KATNIP: variants seen among roughly 807,000 people sequenced by gnomAD.
KATNIP encodes katanin-interacting protein.
Under a neutral mutation model 174.0 loss-of-function variants are expected in KATNIP, and 126 were observed. That is an observed-to-expected ratio of 0.72 (90% CI 0.63 to 0.84). The LOEUF (loss-of-function observed/expected upper bound fraction) is 0.84, where lower values mean the gene tolerates loss of function less well. Ranked by LOEUF, KATNIP falls within the 40% of genes least tolerant of loss-of-function variation. The pLI is 0.00. For synonymous variants in KATNIP, 810 were observed against 835.7 expected (o/e 0.97, Z 0.53); for missense variants, 1,958 against 2,109.7 (o/e 0.93, Z 1.41).
At chr16:27,769,645 A>C (rs1198902146) in intron 20 of KATNIP, among the ~76,000 whole-genome samples, 3 of 152,246 alleles carry the variant, frequency 2.0e-5, no homozygotes, top group Non-Finnish European at 2.9e-5. Flanking sequence ...GCCGTGGACC[A>C]GTGTCCGCTG....
Position 27,698,342 on chromosome 16 carries a change from C to A in KATNIP, c.955C>A (p.Arg319=), listed in dbSNP as rs1236253745. The A allele has an allele frequency of 3.7e-6, 6 of 1,609,154 alleles. No homozygotes were observed. Among genetic ancestry groups the A allele is most frequent in the Non-Finnish European group, 4.2e-6 (5 of 1,177,178 alleles). The part of the protein sequence containing the change: ...ERMCSRPGSR[R]ERPLSATRKT... ...TCTGCCCTCAGGACCTGGAAGCCGG[C>A]GAGAGAGACCCCTGTCTGCAACCCG... is the stretch of plus-strand genomic sequence containing the variant. Residue 319 remains arginine (R), a synonymous_variant, in exon 9 of 28, where the codon CGA becomes AGA. Transcript: ENST00000261588.
chr16:27,740,902 G>A lies in KATNIP; in HGVS notation c.2605G>A (p.Asp869Asn), dbSNP rs570955229. 1.8e-5 allele frequency: 29 copies of A among 1,597,574 alleles called. No individual in the cohort carries two copies. Among genetic ancestry groups the A allele is most frequent in the African/African-American group, 2.7e-5 (2 of 74,806 alleles). The change falls in exon 15 of 28, where the codon GAC becomes AAC. Residue 869 changes from aspartate (D) to asparagine (N), a missense_variant. Transcript: ENST00000261588. ...KDAGSSSHGD[D>N]QPASREDTWS... ...TGCTGGCAGCAGTAGTCATGGGGAC[G>A]ACCAGCCAGCCAGCAGAGGTAAGCT...
intron 6 of KATNIP, among the ~76,000 whole-genome samples, chr16:27,666,118 G>T (rs561182936): frequency 6.6e-6 from 1 of 152,288 alleles, no homozygotes; most frequent in Admixed American, 6.5e-5. Flanking sequence ...AACCAGGAAA[G>T]CATTGGGCAG....
At chr16:27,710,363 T>TAAAC (rs1200648416) in intron 13 of KATNIP, among the ~76,000 whole-genome samples, 1 of 151,764 alleles carries the variant, frequency 6.6e-6, no homozygotes, top group South Asian at 2.1e-4. Context: ...TCTCAACAAA[T>TAAAC]AAACAAACAA....
At chr16:27,743,858 C>A (rs966918389) in intron 15 of KATNIP, among the ~76,000 whole-genome samples, 1 of 152,186 alleles carries the variant, frequency 6.6e-6, no homozygotes, top group Admixed American at 6.5e-5. Context: ...CATCACCCAC[C>A]TGCCCCGGGA....
At chr16:27,655,008 A>G (rs1309419592) in intron 6 of KATNIP, among the ~76,000 whole-genome samples, 1 of 151,544 alleles carries the variant, frequency 6.6e-6, no homozygotes, top group Non-Finnish European at 1.5e-5. Flanking sequence ...ATGTGCCTGC[A>G]GTCCCAGGTA....
At chr16:27,609,280 G>A (rs2075813273) in intron 2 of KATNIP, among the ~76,000 whole-genome samples, 1 of 151,916 alleles carries the variant, frequency 6.6e-6, no homozygotes, top group East Asian at 1.9e-4. Context: ...GTGCAGGGAG[G>A]GACACAGGAG....
At chr16:27,639,841 G>A (rs1319991920) in intron 5 of KATNIP, among the ~76,000 whole-genome samples, 1 of 152,194 alleles carries the variant, frequency 6.6e-6, no homozygotes, top group Non-Finnish European at 1.5e-5. Context: ...GTCAGAGTGG[G>A]GAGCACTGCT....
At chr16:27,630,544 GC>G (rs1287034910) in intron 4 of KATNIP, among the ~76,000 whole-genome samples, 1 of 152,208 alleles carries the variant, frequency 6.6e-6, no homozygotes, top group Non-Finnish European at 1.5e-5. Flanking sequence ...GAAACCAGTG[GC>G]TCTCCTAGTT....
intron 13 of KATNIP, among the ~76,000 whole-genome samples, chr16:27,716,811 C>A (rs893741515): frequency 2.0e-5 from 3 of 151,964 alleles, no homozygotes; most frequent in African/African-American, 7.3e-5. Context: ...TTTGTCGTTT[C>A]AAGAATGCTA....
chr16:27,760,071 G>T (rs1052110238), intron 18 of KATNIP, among the ~76,000 whole-genome samples: 3 of 152,148 alleles, frequency 2.0e-5, no homozygotes, highest in Non-Finnish European at 2.9e-5. Context: ...GCTCCAGGGA[G>T]GTCAGGTGAC....
chr16:27,578,719 G>C (rs985477379), intron 2 of KATNIP, among the ~76,000 whole-genome samples: 3 of 152,038 alleles, frequency 2.0e-5, no homozygotes, highest in Admixed American at 2.0e-4. Flanking sequence ...GTGAGATTAC[G>C]GGTGTGTCCC....
chr16:27,735,337 A>G (rs548731181), intron 14 of KATNIP, among the ~76,000 whole-genome samples: 3 of 152,316 alleles, frequency 2.0e-5, no homozygotes, highest in African/African-American at 7.2e-5. Flanking sequence ...ATGTTGTGGA[A>G]GCCGGCCACC....
intron 14 of KATNIP, among the ~76,000 whole-genome samples, chr16:27,739,608 T>A (rs1289402242): frequency 6.6e-6 from 1 of 152,188 alleles, no homozygotes; most frequent in African/African-American, 2.4e-5. Flanking sequence ...TCTCAGGAAC[T>A]GGACTTTAAA....
At chr16:27,767,451 G>A (rs1359083961) in intron 20 of KATNIP, among the ~76,000 whole-genome samples, 1 of 152,022 alleles carries the variant, frequency 6.6e-6, no homozygotes, top group Non-Finnish European at 1.5e-5. Context: ...CAGGTGTAGA[G>A]GCTCACGCCT....
In KATNIP at chr16:27,776,593, C is replaced by T. The variant is rs1407614958; in HGVS notation, c.4450-335C>T. On this transcript the variant is annotated intron_variant, in intron 24 of 27. Transcript: ENST00000261588. The surrounding 1 kb of genome is among the most constrained non-coding windows in gnomAD (Gnocchi z 4.7). ...GGGACTGTCCCTTTAGCTCATGGGG[C>T]TCTAGACTATTTCTGGGCCTGACCT... is the stretch of plus-strand genomic sequence containing the variant. 6.6e-6 allele frequency among the ~76,000 whole-genome samples: 1 copy of T among 152,164 alleles called. No homozygotes were observed. The highest frequency in any genetic ancestry group is 1.5e-5 in the Non-Finnish European group (1 of 68,028).
chr16:27,574,044 T>C lies in KATNIP; in HGVS notation c.63+88T>C, dbSNP rs2090401127. Reference sequence around the variant, plus strand: ...AGGGTGGCGAATAAGTGTCCCTAAATATACTCTTTTCTCTTGGGGTCCCAA... The same window carrying C: ...AGGGTGGCGAATAAGTGTCCCTAAACATACTCTTTTCTCTTGGGGTCCCAA... On this transcript the variant is annotated intron_variant, in intron 2 of 27. Coordinates refer to ENST00000261588, the MANE Select transcript of KATNIP (RefSeq NM_015202.5). The C allele has an allele frequency of 3.4e-6, 4 of 1,171,120 alleles. No homozygotes were observed. The Admixed American group carries it at 7.6e-5, about 22-fold the overall frequency. The allele number at this position is 1,171,120 out of a possible 1,614,324, so 72.5% of individuals were successfully genotyped here. A position where few individuals can be genotyped will look rare whatever the true frequency, so the allele number is the denominator to read the frequency against.
chr16:27,634,343 C>T (rs974780600), intron 5 of KATNIP, among the ~76,000 whole-genome samples: 2 of 152,160 alleles, frequency 1.3e-5, no homozygotes, highest in African/African-American at 4.8e-5. Flanking sequence ...GAAACAAATG[C>T]AGTGCAGGGA....
chr16:27,630,042 A>G (rs1280074629), intron 4 of KATNIP, among the ~76,000 whole-genome samples: 1 of 152,242 alleles, frequency 6.6e-6, no homozygotes, highest in Non-Finnish European at 1.5e-5. Flanking sequence ...TTAAAAAACA[A>G]TAATAAAATG....
Sources: allele counts gnomAD v4.1 joint callset (sites outside exome capture counted in the v4.1 genomes callset), GRCh38; gene constraint gnomAD v4.1.1; non-coding constraint Gnocchi (gnomAD v3.1); transcripts MANE v1.5; gene names NCBI Gene and HGNC (gene_info 2026-07-23, HGNC 2026-07-21).